RBMS3: variants seen among roughly 807,000 people sequenced by gnomAD.
The protein encoded by RBMS3 is RNA-binding motif, single-stranded-interacting protein 3.
A neutral mutation model predicts 66.8 loss-of-function variants in RBMS3; 27 were observed. The observed-to-expected ratio is 0.40, with a 90% CI of 0.30 to 0.56. The LOEUF (loss-of-function observed/expected upper bound fraction) is 0.56, where lower values mean the gene tolerates loss of function less well. Among genes scored for constraint, RBMS3 ranks in the 20% least tolerant of loss-of-function variants. The pLI is 0.40. For missense variants in RBMS3, 513 were observed against 549.5 expected (o/e 0.93, Z 0.66); for synonymous variants, 188 against 183.0 (o/e 1.03, Z -0.22).
chr3:29,630,333 G>C (rs2049238141), intron 4 of RBMS3, among the ~76,000 whole-genome samples: 1 of 152,008 alleles, frequency 6.6e-6, no homozygotes, highest in Non-Finnish European at 1.5e-5. Flanking sequence ...GAATTTTAGA[G>C]AAATGGATAT....
At chr3:29,468,324 G>A (rs535064303) in intron 2 of RBMS3, among the ~76,000 whole-genome samples, 1 of 152,200 alleles carries the variant, frequency 6.6e-6, no homozygotes, top group Admixed American at 6.5e-5. Context: ...GAAGGCTTGC[G>A]GTTTGATGGG....
At chr3:29,890,277 CT>C (rs1451030719) in intron 8 of RBMS3, among the ~76,000 whole-genome samples, 1 of 151,460 alleles carries the variant, frequency 6.6e-6, no homozygotes, top group Non-Finnish European at 1.5e-5. Flanking sequence ...TGGGACATGC[CT>C]TTTAGAGGTG....
At chr3:29,755,809 T>C (rs1386278349) in intron 5 of RBMS3, among the ~76,000 whole-genome samples, 1 of 152,098 alleles carries the variant, frequency 6.6e-6, no homozygotes, top group East Asian at 1.9e-4. Flanking sequence ...CAGAACCCAA[T>C]GGAAAACCAG....
chr3:29,718,675 A>G (rs761183044), intron 4 of RBMS3, among the ~76,000 whole-genome samples: 4 of 152,130 alleles, frequency 2.6e-5, no homozygotes, highest in African/African-American at 4.8e-5. Flanking sequence ...AGCTTTGGAA[A>G]AAGCAGGGCA....
At chr3:29,350,592 C>T (rs1286606034) in intron 1 of RBMS3, among the ~76,000 whole-genome samples, 8 of 152,146 alleles carry the variant, frequency 5.3e-5, no homozygotes, top group African/African-American at 1.9e-4. Context: ...ATGGAGAGAA[C>T]TAAGCTCCCT....
At chr3:29,722,046 T>G (rs564588964) in intron 4 of RBMS3, among the ~76,000 whole-genome samples, 106 of 152,356 alleles carry the variant, frequency 7.0e-4, no homozygotes, top group African/African-American at 2.4e-3. Flanking sequence ...TTGGTATTCT[T>G]TCTGTCTCAA....
intron 7 of RBMS3, among the ~76,000 whole-genome samples, chr3:29,869,758 G>A (rs1251615856): frequency 6.6e-6 from 1 of 152,058 alleles, no homozygotes; most frequent in Non-Finnish European, 1.5e-5. Flanking sequence ...TTGTTTGAAT[G>A]ACTTGAAAAA....
intron 3 of RBMS3, among the ~76,000 whole-genome samples, chr3:29,511,333 C>G (rs1418950876): frequency 6.6e-6 from 1 of 151,998 alleles, no homozygotes; most frequent in South Asian, 2.1e-4. Context: ...TATTTTAAAC[C>G]AAATTTCTAA....
At chr3:29,837,202 CATA>C (rs1363391334) in intron 6 of RBMS3, among the ~76,000 whole-genome samples, 2 of 151,986 alleles carry the variant, frequency 1.3e-5, no homozygotes, top group African/African-American at 4.8e-5. Flanking sequence ...CCTCCAAAAC[CATA>C]ATGAGTATGA....
At chr3:29,631,283 TA>T (rs1027738470) in intron 4 of RBMS3, among the ~76,000 whole-genome samples, 3 of 151,888 alleles carry the variant, frequency 2.0e-5, no homozygotes, top group African/African-American at 7.2e-5. Context: ...AATAGATGAA[TA>T]ATAACCTTGC....
At chr3:29,416,654 C>A (rs965113538) in intron 1 of RBMS3, among the ~76,000 whole-genome samples, 3 of 151,820 alleles carry the variant, frequency 2.0e-5, no homozygotes, top group Non-Finnish European at 4.4e-5. Flanking sequence ...TTATTGCTAG[C>A]TGTTTTGTGG....
chr3:29,385,203 G>A (rs962945756), intron 1 of RBMS3, among the ~76,000 whole-genome samples: 1 of 152,098 alleles, frequency 6.6e-6, no homozygotes, highest in Non-Finnish European at 1.5e-5. Flanking sequence ...GTTTTGGCAG[G>A]CTATTCTGGA....
chr3:29,693,872 C>T (rs9833942), intron 4 of RBMS3, among the ~76,000 whole-genome samples: 90,403 of 152,048 alleles, frequency 0.59, 27,034 homozygotes, highest in Middle Eastern at 0.66. Context: ...GGAAATACTA[C>T]TCTTGTTTTG....
chr3:29,679,872 A>G (rs559262402), intron 4 of RBMS3, among the ~76,000 whole-genome samples: 11 of 152,042 alleles, frequency 7.2e-5, no homozygotes, highest in Admixed American at 2.6e-4. Context: ...TCTGATCTTA[A>G]TTCTGCTTGT....
At chr3:29,988,725 C>G (rs961843068) in intron 13 of RBMS3, among the ~76,000 whole-genome samples, 3 of 151,986 alleles carry the variant, frequency 2.0e-5, no homozygotes, top group African/African-American at 7.3e-5. Flanking sequence ...AAGTTCGAGA[C>G]CAGCCTGGGT....
In RBMS3 at chr3:29,492,698, G is replaced by A. The variant is rs187449014; in HGVS notation, c.307+4199G>A. ...GGAGGAAAGTGGACTACCACTTACA[G>A]GTCCAGTGGGAGGAAGGATATGGGA... On this transcript the variant is annotated intron_variant, in intron 3 of 14. Coordinates refer to ENST00000383767, the MANE Select transcript of RBMS3 (RefSeq NM_001003793.3). Among the ~76,000 whole-genome samples, 115 of 152,212 alleles carry A rather than the reference G, an allele frequency of 7.6e-4. No individual in the cohort carries two copies. In the East Asian group the frequency reaches 0.02, roughly 26 times the overall value.
intron 3 of RBMS3, among the ~76,000 whole-genome samples, chr3:29,517,405 C>G (rs2044685836): frequency 6.6e-6 from 1 of 151,626 alleles, no homozygotes; most frequent in East Asian, 1.9e-4. Context: ...TCACTGCAAG[C>G]TCCACCTCCC....
intron 4 of RBMS3, among the ~76,000 whole-genome samples, chr3:29,653,289 T>A (rs1305955511): frequency 6.6e-6 from 1 of 152,178 alleles, no homozygotes; most frequent in Non-Finnish European, 1.5e-5. Flanking sequence ...ATACTTATAT[T>A]GCATGGTTGT....
chr3:29,428,697 A>G (rs2041060133), intron 1 of RBMS3, among the ~76,000 whole-genome samples: 1 of 152,178 alleles, frequency 6.6e-6, no homozygotes, highest in Non-Finnish European at 1.5e-5. Flanking sequence ...AATGAGGTAT[A>G]TGAACAAAGC....
Sources: allele counts gnomAD v4.1 joint callset (sites outside exome capture counted in the v4.1 genomes callset), GRCh38; gene constraint gnomAD v4.1.1; transcripts MANE v1.5; gene names NCBI Gene and HGNC (gene_info 2026-07-23, HGNC 2026-07-21).